CNTN5: variants seen among roughly 807,000 people sequenced by gnomAD.
CNTN5 encodes contactin 5.
Under a neutral mutation model 129.1 loss-of-function variants are expected in CNTN5, and 77 were observed. The observed-to-expected ratio is 0.60, with a 90% confidence interval of 0.50 to 0.72. The LOEUF (loss-of-function observed/expected upper bound fraction) is 0.72. Among genes scored for constraint, CNTN5 ranks in the 30% least tolerant of loss-of-function variants. The pLI is 0.00. For missense variants in CNTN5, 1,478 were observed against 1,328.8 expected, an observed-to-expected ratio of 1.11 and a Z score of -1.75; for synonymous variants, 509 against 465.6, an observed-to-expected ratio of 1.09 and a Z score of -1.20.
rs76057750 is a variant in CNTN5 at position 99,126,771 on chromosome 11, T to C, written c.-210+105501T>C. On this transcript the variant is annotated intron_variant, in intron 1 of 24. Coordinates refer to ENST00000524871, the MANE Select transcript of CNTN5 (RefSeq NM_014361.4). ...TATTATCACTTTAACCTTTCAAAAT[T>C]CAAATTTTTCTCTCTAATAGATATG... Among the ~76,000 whole-genome samples the C allele has an allele frequency of 3.5e-3, 530 of 152,288 alleles. 2 individuals carry two copies. The highest frequency in any genetic ancestry group is 0.012 in the African/African-American group (512 of 41,562).
intron 3 of CNTN5, among the ~76,000 whole-genome samples, chr11:99,774,518 C>A (rs1945054396): frequency 6.6e-6 from 1 of 151,310 alleles, no homozygotes; most frequent in South Asian, 2.1e-4. Flanking sequence ...TGCTCTGTTA[C>A]AGAAACAAGT....
At chr11:99,255,374 T>G (rs558020092) in intron 1 of CNTN5, among the ~76,000 whole-genome samples, 16 of 151,828 alleles carry the variant, frequency 1.1e-4, no homozygotes, top group African/African-American at 3.6e-4. Flanking sequence ...GGGGATAAAT[T>G]ATTGTGGGTA....
At chr11:99,282,926 C>G (rs1281008455) in intron 1 of CNTN5, among the ~76,000 whole-genome samples, 1 of 152,006 alleles carries the variant, frequency 6.6e-6, no homozygotes. Context: ...CATCCCCAAT[C>G]AAATGGAAGA....
intron 13 of CNTN5, among the ~76,000 whole-genome samples, chr11:100,155,705 G>C (rs1947218750): frequency 6.6e-6 from 1 of 151,400 alleles, no homozygotes. Context: ...TTGAGCAGTG[G>C]TTTGTAGTTC....
At chr11:99,118,028 G>A (rs1260622310) in intron 1 of CNTN5, among the ~76,000 whole-genome samples, 1 of 152,012 alleles carries the variant, frequency 6.6e-6, no homozygotes, top group Non-Finnish European at 1.5e-5. Flanking sequence ...TCTGCATACT[G>A]CTATTATGAA....
rs141450344 is a variant in CNTN5 at position 99,731,094 on chromosome 11, T to C, written c.56-88450T>C. 3.6e-4 allele frequency among the ~76,000 whole-genome samples: 55 copies of C among 151,988 alleles called. 2 individuals carry two copies. In the East Asian group the frequency reaches 0.01, roughly 29 times the overall value. On this transcript the variant is annotated intron_variant, in intron 3 of 24. Coordinates refer to ENST00000524871, the MANE Select transcript of CNTN5 (RefSeq NM_014361.4). ...GAAGGGGACAAGCAGCTATATAACC[T>C]GGAAATCAGCATTTTTTTTTTCTTT...
chr11:100,045,038 G>A (rs1942594206), intron 9 of CNTN5, among the ~76,000 whole-genome samples: 1 of 151,988 alleles, frequency 6.6e-6, no homozygotes, highest in South Asian at 2.1e-4. Context: ...CCTACTGCAA[G>A]AAGTCTTTTA....
intron 9 of CNTN5, among the ~76,000 whole-genome samples, chr11:100,019,374 T>C (rs1451745219): frequency 6.6e-6 from 1 of 151,920 alleles, no homozygotes; most frequent in East Asian, 1.9e-4. Context: ...AACTTGGTCA[T>C]CACCATTCTA....
At chr11:99,651,047 C>T (rs944886414) in intron 3 of CNTN5, among the ~76,000 whole-genome samples, 9 of 151,912 alleles carry the variant, frequency 5.9e-5, no homozygotes, top group Non-Finnish European at 8.8e-5. Context: ...AATATATGCT[C>T]CAACTTAGAA....
intron 13 of CNTN5, among the ~76,000 whole-genome samples, chr11:100,093,273 C>CT (rs1944866748): frequency 6.6e-6 from 1 of 151,882 alleles, no homozygotes; most frequent in Admixed American, 6.6e-5. Context: ...GAAAAATGCA[C>CT]TTTTTTTGAG....
intron 21 of CNTN5, chr11:100,309,393 G>C (rs1426833960): frequency 1.0e-6 from 1 of 968,172 alleles, no homozygotes; most frequent in Non-Finnish European, 1.2e-6. Context: ...CATACAGCTG[G>C]CATTAAATAA....
At chr11:100,035,657 G>C (rs562197810) in intron 9 of CNTN5, among the ~76,000 whole-genome samples, 2 of 142,816 alleles carry the variant, frequency 1.4e-5, no homozygotes, top group Admixed American at 1.4e-4. Context: ...TTTAATGATC[G>C]CCATTCTAAC....
rs185466320 is a variant in CNTN5, at chr11:99,652,018, G to A, written c.55+95749G>A. Among the ~76,000 whole-genome samples, 54 of 152,178 alleles carry A rather than the reference G, an allele frequency of 3.5e-4. No individual in the cohort carries two copies. In the East Asian group the frequency reaches 5.6e-3, roughly 16 times the overall value. ...AACACCACAAATGCATTATCTCAAA[G>A]TTTCTGTGGTTCAGAATCTCCAGCG... On this transcript the variant is annotated intron_variant, in intron 3 of 24. Transcript: ENST00000524871.
chr11:99,491,715 GCTGA>G (rs1946043779), intron 2 of CNTN5, among the ~76,000 whole-genome samples: 1 of 152,096 alleles, frequency 6.6e-6, no homozygotes, highest in Non-Finnish European at 1.5e-5. Context: ...TAACTATTAG[GCTGA>G]CTGTCTCAAT....
At chr11:99,536,708 C>A (rs1284151876) in intron 2 of CNTN5, among the ~76,000 whole-genome samples, 3 of 151,834 alleles carry the variant, frequency 2.0e-5, no homozygotes, top group African/African-American at 7.3e-5. Context: ...ATCGTTAATA[C>A]CCATGACAAT....
In CNTN5 at chr11:100,341,305, T is replaced by C. The variant is rs2139015133; in HGVS notation, c.3030+100T>C. 11 of 814,746 alleles carry C rather than the reference T, an allele frequency of 1.4e-5. No homozygotes were observed. The South Asian group carries it at 1.8e-4, about 13-fold the overall frequency. The allele number at this position is 814,746 out of a possible 1,614,324, so 50.5% of individuals were successfully genotyped here. A position where few individuals can be genotyped will look rare whatever the true frequency, so the allele number is the denominator to read the frequency against. On this transcript the variant is annotated intron_variant, in intron 23 of 24. Transcript: ENST00000524871. ...GCATAAAAAGACCCATTAACCAACCTATTTTTTCTCAGTCATTTTCTATCT... is the reference window on the plus strand; with the variant it reads ...GCATAAAAAGACCCATTAACCAACCCATTTTTTCTCAGTCATTTTCTATCT...
rs543536945 is a variant in CNTN5 at position 99,336,785 on chromosome 11, G to A, written c.-71+11301G>A. On this transcript the variant is annotated intron_variant, in intron 2 of 24. Coordinates refer to ENST00000524871, the MANE Select transcript of CNTN5 (RefSeq NM_014361.4). ...AGAGGTTGCAGTGAGCCTAGACCAC[G>A]CCATTGCACTCCAGCCTGGGTGACA... Among the ~76,000 whole-genome samples, 10 of 151,638 alleles carry A rather than the reference G, an allele frequency of 6.6e-5. No individual in the cohort carries two copies. In the East Asian group the frequency reaches 1.4e-3, roughly 21 times the overall value.
intron 7 of CNTN5, among the ~76,000 whole-genome samples, chr11:99,918,538 T>A (rs1024891770): frequency 3.9e-5 from 6 of 152,156 alleles, no homozygotes; most frequent in African/African-American, 1.2e-4. Context: ...TCCTATTACG[T>A]TGTGAAAGAG....
chr11:99,664,640 C>A (rs1591444692), intron 3 of CNTN5, among the ~76,000 whole-genome samples: 1 of 152,108 alleles, frequency 6.6e-6, no homozygotes, highest in Admixed American at 6.6e-5. Context: ...AGTATGGCTG[C>A]TTAAGGAACA....
Sources: allele counts gnomAD v4.1 joint callset (sites outside exome capture counted in the v4.1 genomes callset), GRCh38; gene constraint gnomAD v4.1.1; transcripts MANE v1.5; gene names NCBI Gene and HGNC (gene_info 2026-07-23, HGNC 2026-07-21).